Variants in FAM229B observed in about 807,000 individuals in gnomAD.
The protein encoded by FAM229B is family with sequence similarity 229 member B.
A neutral mutation model predicts 6.7 loss-of-function variants in FAM229B; 2 were observed. That is an observed-to-expected ratio of 0.30 (90% CI 0.12 to 0.94). The LOEUF is 0.94. Ranked by LOEUF, FAM229B falls within the 40% of genes least tolerant of loss-of-function variation. FAM229B has a pLI of 0.54. For missense variants in FAM229B, 93 were observed against 96.2 expected (o/e 0.97, Z 0.14); for synonymous variants, 29 against 34.0 (o/e 0.85, Z 0.51).
At position 112,100,693 on chromosome 6, in the gene FAM229B, G is replaced by A. The variant is rs1301095074; in HGVS notation, c.149G>A (p.Ser50Asn). 3 of 1,613,986 alleles carry A rather than the reference G, an allele frequency of 1.9e-6. No individual in the cohort carries two copies. The highest frequency in any genetic ancestry group is 1.7e-6 in the Non-Finnish European group (2 of 1,179,870). ...PTRQLRRCPG[S>N]HCLTITDVPV... Reference sequence around the variant, plus strand: ...AGGCAACTCCGGAGGTGCCCTGGAAGTCATTGCCTGACAATAACTGATGTT... The same window carrying A: ...AGGCAACTCCGGAGGTGCCCTGGAAATCATTGCCTGACAATAACTGATGTT... The change falls in exon 4 of 4, where the codon AGT (serine) becomes AAT (asparagine). Residue 50 changes from serine to asparagine, a missense_variant. Coordinates refer to ENST00000368656, the MANE Select transcript of FAM229B (RefSeq NM_001033564.3).
At chr6:112,099,455 A>G in intron 3 of FAM229B, 47 bp downstream of exon 3, 2 of 1,536,348 alleles carry the variant, frequency 1.3e-6, no homozygotes, top group Non-Finnish European at 1.8e-6. Flanking sequence ...ATTGGCTATC[A>G]TCAATACAAC....
intron 1 of FAM229B, among the ~76,000 whole-genome samples, chr6:112,094,316 T>C (rs1554318459): frequency 6.6e-6 from 1 of 152,220 alleles, no homozygotes; most frequent in African/African-American, 2.4e-5. Context: ...GTTCATAAGA[T>C]AAAGTCTAAA....
At chr6:112,095,680 A>AGG (rs1554318590) in intron 1 of FAM229B, among the ~76,000 whole-genome samples, 1 of 95,744 alleles carries the variant, frequency 1.0e-5, no homozygotes, top group Non-Finnish European at 2.1e-5. Context: ...AAAAAAAAGA[A>AGG]AAAAAAAAAC....
At chr6:112,098,055 A>G (rs1248693938) in intron 2 of FAM229B, among the ~76,000 whole-genome samples, 2 of 152,172 alleles carry the variant, frequency 1.3e-5, no homozygotes, top group Non-Finnish European at 2.9e-5. Context: ...GCTGCGAAAC[A>G]TCCTACAGTG....
intron 2 of FAM229B, 146 bp from the exon 3 acceptor site, chr6:112,099,124 A>G: frequency 1.5e-6 from 1 of 665,740 alleles, no homozygotes; most frequent in East Asian, 2.9e-5. Context: ...GCACTGGTGA[A>G]TAACCATTGC....
intron 1 of FAM229B, among the ~76,000 whole-genome samples, chr6:112,089,419 T>A (rs1407182098): frequency 1.3e-5 from 2 of 152,112 alleles, no homozygotes; most frequent in Admixed American, 6.5e-5. Context: ...TACTTTGTGC[T>A]GAAGAAGAAC....
In FAM229B at chr6:112,098,965, G is replaced by A. The variant is rs779954205; in HGVS notation, c.-14-305G>A. Among the ~76,000 whole-genome samples the A allele has an allele frequency of 6.2e-4, 95 of 152,258 alleles. 1 individual carries two copies. The highest frequency in any genetic ancestry group is 7.8e-4 in the Admixed American group (12 of 15,296). ...CTATTTAAAAATAGAATAACATTCA[G>A]AATGTTTCTGTATGTCTATAACAAA... On this transcript the variant is annotated intron_variant, in intron 2 of 3. Transcript: ENST00000368656.
At chr6:112,099,570 A>C (rs1226075602) in intron 3 of FAM229B, among the ~76,000 whole-genome samples, 162 bp downstream of exon 3, 2 of 152,190 alleles carry the variant, frequency 1.3e-5, no homozygotes, top group African/African-American at 4.8e-5. Context: ...CTTAGTGTAG[A>C]GTCTGTATTT....
Position 112,099,414 on chromosome 6 carries a change from G to C in FAM229B, c.125+6G>C. ...AAGGAGATGTCACCAACCAGGTAAAGTCTTCTGTCCTCACAAGTGAGGAGA... is the reference window on the plus strand; with the variant it reads ...AAGGAGATGTCACCAACCAGGTAAACTCTTCTGTCCTCACAAGTGAGGAGA... On this transcript the variant is annotated splice_donor_region_variant and intron_variant, in intron 3 of 3. Coordinates refer to ENST00000368656, the MANE Select transcript of FAM229B (RefSeq NM_001033564.3). The C allele has an allele frequency of 6.2e-7, 1 of 1,612,458 alleles. No homozygotes were observed.
At chr6:112,087,940 T>C (rs1018098322) in intron 1 of FAM229B, among the ~76,000 whole-genome samples, 1 of 152,092 alleles carries the variant, frequency 6.6e-6, no homozygotes, top group Admixed American at 6.5e-5. Flanking sequence ...CCCAGAGAAA[T>C]AGTCATGTCA....
chr6:112,089,311 G>C (rs1323088569), intron 1 of FAM229B, among the ~76,000 whole-genome samples: 3 of 151,816 alleles, frequency 2.0e-5, no homozygotes, highest in Non-Finnish European at 4.4e-5. Flanking sequence ...GGGAGGGAAG[G>C]GGGAGAGGAA....
chr6:112,094,291 T>C (rs587625655), intron 1 of FAM229B, among the ~76,000 whole-genome samples: 4 of 152,326 alleles, frequency 2.6e-5, no homozygotes, highest in Admixed American at 2.6e-4. Context: ...TTAAAATTAT[T>C]TGATAGGCTT....
intron 1 of FAM229B, among the ~76,000 whole-genome samples, chr6:112,094,878 G>C (rs1019498919): frequency 2.0e-5 from 3 of 152,094 alleles, no homozygotes; most frequent in African/African-American, 7.2e-5. Context: ...TTCACCATTT[G>C]CATTGCTCTT....
chr6:112,100,741 C>T lies in FAM229B; in HGVS notation c.197C>T (p.Thr66Met), dbSNP rs149743977. ...GTTCCCGTCACTGTTTATGCAACAA[C>T]GAGAAAGCCACCTGCACAAAGCAGC... ...TDVPVTVYATTRKPPAQSSKE... is the reference protein window; with the variant it reads ...TDVPVTVYATMRKPPAQSSKE... The change falls in exon 4 of 4, where the codon ACG becomes ATG. Residue 66 changes from threonine (T) to methionine (M), a missense_variant. Transcript: ENST00000368656. The T allele has an allele frequency of 6.7e-5, 108 of 1,613,852 alleles. No individual in the cohort carries two copies. The highest frequency in any genetic ancestry group is 2.2e-4 in the Admixed American group (13 of 59,994).
At chr6:112,094,682 G>T (rs1057374617) in intron 1 of FAM229B, among the ~76,000 whole-genome samples, 2 of 152,146 alleles carry the variant, frequency 1.3e-5, no homozygotes, top group South Asian at 4.2e-4. Flanking sequence ...GCTCATGGTG[G>T]ATTCTCAGCA....
intron 1 of FAM229B, among the ~76,000 whole-genome samples, chr6:112,095,007 A>G (rs992960168): frequency 6.6e-6 from 1 of 152,302 alleles, no homozygotes; most frequent in South Asian, 2.1e-4. Flanking sequence ...GTTTCATTGT[A>G]TCACCCATTC....
chr6:112,090,474 A>G (rs587718052), intron 1 of FAM229B, among the ~76,000 whole-genome samples: 2 of 152,312 alleles, frequency 1.3e-5, no homozygotes, highest in East Asian at 3.9e-4. Flanking sequence ...CCACTTAGGT[A>G]TGGTGACTTA....
intron 2 of FAM229B, among the ~76,000 whole-genome samples, chr6:112,098,255 T>C (rs1187943583): frequency 6.6e-6 from 1 of 152,154 alleles, no homozygotes; most frequent in African/African-American, 2.4e-5. Context: ...TCAGACTTAA[T>C]GGATTGCATT....
At chr6:112,092,832 A>G (rs7757296) in intron 1 of FAM229B, among the ~76,000 whole-genome samples, 37,542 of 151,686 alleles carry the variant, frequency 0.25, 4,619 homozygotes, top group East Asian at 0.32. Flanking sequence ...TTGGAAGTGA[A>G]CTATGAAAAG....
Sources: allele counts gnomAD v4.1 joint callset (sites outside exome capture counted in the v4.1 genomes callset), GRCh38; gene constraint gnomAD v4.1.1; transcripts MANE v1.5; gene names NCBI Gene and HGNC (gene_info 2026-07-23, HGNC 2026-07-21).